The following GSE1 variants were observed in gnomAD, a reference collection of about 807,000 sequenced individuals.
GSE1 encodes the protein genetic suppressor element 1.
A neutral mutation model predicts 112.6 loss-of-function variants in GSE1; 32 were observed. The observed-to-expected ratio is 0.28, with a 90% CI of 0.21 to 0.38. GSE1 has a LOEUF of 0.38. GSE1 is among the 10% of genes least tolerant of loss of function. The pLI is 1.00. For missense variants in GSE1, 2,348 were observed against 1,699.2 expected (o/e 1.38, Z -6.71); for synonymous variants, 1,115 against 735.6 (o/e 1.52, Z -8.35).
At chr16:85,612,578 C>T (rs1020113980), upstream of GSE1, among the ~76,000 whole-genome samples, 8 of 151,742 alleles carry the variant, frequency 5.3e-5, no homozygotes, top group Admixed American at 4.6e-4. Flanking sequence ...CCCCCCGCAG[C>T]GGCCCGCAAT....
At chr16:85,172,836 C>A (rs116867882) in intron 1 of GSE1, among the ~76,000 whole-genome samples, 1 of 152,150 alleles carries the variant, frequency 6.6e-6, no homozygotes, top group African/African-American at 2.4e-5. Context: ...GTGTGGGGCA[C>A]GGAGGTGGAC....
chr16:85,323,034 T>C (rs2046146083), intron 1 of GSE1, among the ~76,000 whole-genome samples: 1 of 152,194 alleles, frequency 6.6e-6, no homozygotes, highest in South Asian at 2.1e-4. Flanking sequence ...TGCTTTTTCC[T>C]ACTTTGTCAC....
intron 2 of GSE1, among the ~76,000 whole-genome samples, chr16:85,518,857 T>A (rs2052042882): frequency 6.6e-6 from 1 of 152,094 alleles, no homozygotes; most frequent in Non-Finnish European, 1.5e-5. Context: ...AAGCCCTGTC[T>A]TGCCACCCAG....
intron 2 of GSE1, among the ~76,000 whole-genome samples, chr16:85,524,265 G>C (rs1339487530): frequency 6.6e-6 from 1 of 152,138 alleles, no homozygotes; most frequent in African/African-American, 2.4e-5. Flanking sequence ...GGGATGGTAA[G>C]AGCTCTGGAC....
At chr16:85,512,181 G>A (rs1158588596) in intron 2 of GSE1, among the ~76,000 whole-genome samples, 5 of 152,202 alleles carry the variant, frequency 3.3e-5, no homozygotes, top group African/African-American at 1.2e-4. Context: ...TGGCTGTGAG[G>A]CAGGGGTGTG....
intron 1 of GSE1, chr16:85,285,849 C>T (rs1462488361): frequency 6.6e-6 from 1 of 152,300 alleles, no homozygotes; most frequent in South Asian, 2.1e-4. Context: ...CCTCCCAGAG[C>T]TTGTGGCTTT....
chr16:85,508,016 C>A (rs929624656), intron 2 of GSE1, among the ~76,000 whole-genome samples: 1 of 152,122 alleles, frequency 6.6e-6, no homozygotes, highest in Admixed American at 6.6e-5. Context: ...GGCCAGTGCC[C>A]CGACTTCTAA....
At chr16:85,301,138 A>T (rs1320872193) in intron 1 of GSE1, among the ~76,000 whole-genome samples, 1 of 152,180 alleles carries the variant, frequency 6.6e-6, no homozygotes, top group African/African-American at 2.4e-5. Flanking sequence ...CTCTCCCATC[A>T]CATGGCGCCG....
intron 2 of GSE1, among the ~76,000 whole-genome samples, chr16:85,448,186 C>T (rs572228050): frequency 3.9e-4 from 59 of 152,304 alleles, no homozygotes; most frequent in African/African-American, 6.0e-4. Context: ...TGATCCCAGA[C>T]GGAGAGTCTC....
At chr16:85,523,640 C>T (rs1472468613) in intron 2 of GSE1, among the ~76,000 whole-genome samples, 1 of 152,222 alleles carries the variant, frequency 6.6e-6, no homozygotes, top group Non-Finnish European at 1.5e-5. Context: ...GGCTGAGGGA[C>T]AGAGGGGGTC....
At chr16:85,650,479 G>A (rs887801563) in intron 3 of GSE1, among the ~76,000 whole-genome samples, 2 of 152,178 alleles carry the variant, frequency 1.3e-5, no homozygotes, top group African/African-American at 4.8e-5. Flanking sequence ...ACCCCGACCA[G>A]AGCTCCTGGC....
At chr16:85,387,100 C>T (rs978631098) in intron 2 of GSE1, among the ~76,000 whole-genome samples, 1 of 152,074 alleles carries the variant, frequency 6.6e-6, no homozygotes, top group African/African-American at 2.4e-5. Context: ...CTGCCACTGC[C>T]CGACCACCGT....
At chr16:85,574,789 C>T (rs573647166) in intron 1 of GSE1, among the ~76,000 whole-genome samples, 2 of 152,354 alleles carry the variant, frequency 1.3e-5, no homozygotes, top group South Asian at 4.1e-4. Flanking sequence ...TGGGTCTCCT[C>T]CTCACCCAGC....
chr16:85,173,296 T>G (rs1449083973), intron 1 of GSE1, among the ~76,000 whole-genome samples: 1 of 152,220 alleles, frequency 6.6e-6, no homozygotes, highest in Non-Finnish European at 1.5e-5. Flanking sequence ...CTGAGGCAGA[T>G]TTCGAAATTC....
intron 1 of GSE1, among the ~76,000 whole-genome samples, chr16:85,283,753 T>G (rs1206887409): frequency 6.6e-6 from 1 of 152,228 alleles, no homozygotes; most frequent in Middle Eastern, 3.2e-3. Flanking sequence ...ATAAGTGTAT[T>G]AGCTCATTCA....
At chr16:85,524,244 G>A (rs372255415) in intron 2 of GSE1, among the ~76,000 whole-genome samples, 1 of 152,124 alleles carries the variant, frequency 6.6e-6, no homozygotes, top group Non-Finnish European at 1.5e-5. Flanking sequence ...CAGAGGTGAC[G>A]CGGGGTGGCG....
chr16:85,458,134 C>T (rs891586615), intron 2 of GSE1, among the ~76,000 whole-genome samples: 1 of 152,200 alleles, frequency 6.6e-6, no homozygotes, highest in African/African-American at 2.4e-5. Context: ...CTCTGCAGCA[C>T]CAGCCGGCAC....
At chr16:85,611,716 C>T (rs1030816552), upstream of GSE1, among the ~76,000 whole-genome samples, 1 of 152,108 alleles carries the variant, frequency 6.6e-6, no homozygotes, top group African/African-American at 2.4e-5. Context: ...CCAGACCCTG[C>T]CCCCCGGAGG....
At chr16:85,374,606 T>C (rs1281194830) in intron 2 of GSE1, among the ~76,000 whole-genome samples, 1 of 151,980 alleles carries the variant, frequency 6.6e-6, no homozygotes, top group Admixed American at 6.5e-5. Flanking sequence ...GGTCTCAGGG[T>C]GTGTGGCTGC....
Sources: allele counts gnomAD v4.1 joint callset (sites outside exome capture counted in the v4.1 genomes callset), GRCh38; gene constraint gnomAD v4.1.1; transcripts MANE v1.5; gene names NCBI Gene and HGNC (gene_info 2026-07-23, HGNC 2026-07-21).